SEL1L: variants seen among roughly 807,000 people sequenced by gnomAD.
SEL1L encodes SEL1L adaptor subunit of SYVN1 ubiquitin ligase, also known as protein sel-1 homolog 1.
A neutral mutation model predicts 109.8 loss-of-function variants in SEL1L; 52 were observed. That is an observed-to-expected ratio of 0.47 (90% CI 0.38 to 0.60). The LOEUF is 0.60. Among genes scored for constraint, SEL1L ranks in the 20% least tolerant of loss-of-function variants. The pLI is 0.00. For synonymous variants in SEL1L, 373 were observed against 339.6 expected (o/e 1.10, Z -1.08); for missense variants, 749 against 962.2 (o/e 0.78, Z 2.93).
chr14:81,527,943 C>T (rs1394363226), intron 1 of SEL1L, among the ~76,000 whole-genome samples: 1 of 152,072 alleles, frequency 6.6e-6, no homozygotes, highest in African/African-American at 2.4e-5. Flanking sequence ...GGTTTAGTTT[C>T]TCTCTTTCTC....
At position 81,473,423 on chromosome 14, in the gene SEL1L, A is replaced by G. The variant is rs1242174133; in HGVS notation, c.*3549T>C. On this transcript the variant is annotated 3_prime_UTR_variant, in exon 21 of 21. Coordinates refer to ENST00000336735, the MANE Select transcript of SEL1L (RefSeq NM_005065.6). ...CTTTTCAATGAATACCACACATTTA[A>G]AATCCAGATCGTGCCTCAGGCATTC... is the stretch of plus-strand genomic sequence containing the variant. 6.6e-6 allele frequency: 1 copy of G among 152,224 alleles called. No homozygotes were observed. Among genetic ancestry groups the G allele is most frequent in the Non-Finnish European group, 1.5e-5 (1 of 68,022 alleles). 9.4% of individuals were successfully genotyped at this position (152,224 alleles called of 1,614,324 possible). A position where few individuals can be genotyped will look rare whatever the true frequency, so the allele number is the denominator to read the frequency against.
At chr14:81,487,329 C>A in intron 16 of SEL1L, 61 bp downstream of exon 16, 1 of 1,469,704 alleles carries the variant, frequency 6.8e-7, no homozygotes, top group African/African-American at 1.4e-5. Context: ...GAATTGAAAG[C>A]GCAGACTTTC....
At chr14:81,504,820 A>G (rs1462078981) in intron 4 of SEL1L, among the ~76,000 whole-genome samples, 1 of 152,036 alleles carries the variant, frequency 6.6e-6, no homozygotes, top group East Asian at 1.9e-4. Flanking sequence ...AGATCTGGTC[A>G]TTTGAAAGTA....
chr14:81,476,851 C>G lies in SEL1L; in HGVS notation c.*121G>C, dbSNP rs532655925. On this transcript the variant is annotated 3_prime_UTR_variant, in exon 21 of 21. Transcript: ENST00000336735. ...TCTAAGCAGCTTTAGGAATTCAATG[C>G]TTCCTTGTGCCGTGCCTCTTCTGGG... The G allele has an allele frequency of 1.1e-6, 1 of 913,918 alleles. No individual in the cohort carries two copies. Among genetic ancestry groups the G allele is most frequent in the Non-Finnish European group, 1.6e-6 (1 of 617,456 alleles). The allele number at this position is 913,918 out of a possible 1,614,324, so 56.6% of individuals were successfully genotyped here. A position where few individuals can be genotyped will look rare whatever the true frequency, so the allele number is the denominator to read the frequency against.
At chr14:81,510,514 C>CTCTCTCTCTATATATATATATATA (rs35474067) in intron 3 of SEL1L, among the ~76,000 whole-genome samples, 1 of 104,054 alleles carries the variant, frequency 9.6e-6, no homozygotes, top group Admixed American at 1.1e-4. Context: ...CTCTCTCTCT[C>CTCTCTCTCTATATATATATATATA]TATATATATA....
chr14:81,491,440 CAA>C (rs1344292524), intron 12 of SEL1L, among the ~76,000 whole-genome samples: 1 of 151,950 alleles, frequency 6.6e-6, no homozygotes, highest in African/African-American at 2.4e-5. Flanking sequence ...GAGCAAGAAC[CAA>C]AAGAGGAGGA....
intron 3 of SEL1L, among the ~76,000 whole-genome samples, chr14:81,524,528 A>G (rs1401683191): frequency 2.6e-5 from 4 of 152,256 alleles, no homozygotes; most frequent in Non-Finnish European, 4.4e-5. Flanking sequence ...GGGAAACTGT[A>G]TAGCACAAAG....
At position 81,471,929 on chromosome 14, in the gene SEL1L, A is replaced by G. The variant is rs1903025224; in HGVS notation, c.*5043T>C. On this transcript the variant is annotated 3_prime_UTR_variant, in exon 21 of 21. Transcript: ENST00000336735. ...CACTTTTTCTTATTCGTAAAAAAAT[A>G]CCCAAAAAGTAAAAACTTTCCTTTT... 6.6e-6 allele frequency: 1 copy of G among 152,222 alleles called. No homozygotes were observed. The highest frequency in any genetic ancestry group is 1.5e-5 in the Non-Finnish European group (1 of 68,054). 9.4% of individuals were successfully genotyped at this position (152,222 alleles called of 1,614,324 possible). A position where few individuals can be genotyped will look rare whatever the true frequency, so the allele number is the denominator to read the frequency against.
chr14:81,518,096 T>C (rs1257909477), intron 3 of SEL1L, among the ~76,000 whole-genome samples: 2 of 151,902 alleles, frequency 1.3e-5, no homozygotes, highest in Admixed American at 6.5e-5. Context: ...TTTTGCAATA[T>C]TGGCCAGGCT....
At chr14:81,504,536 TATAGAAATACCA>T (rs1407083155) in intron 4 of SEL1L, among the ~76,000 whole-genome samples, 4 of 152,086 alleles carry the variant, frequency 2.6e-5, no homozygotes, top group African/African-American at 7.2e-5. Context: ...ATCACTTTTT[TATAGAAATACCA>T]ATACCAAGCC....
In SEL1L at chr14:81,531,561, T is replaced by C. The variant is rs920169274; in HGVS notation, c.70+2114A>G. Among the ~76,000 whole-genome samples, 7 of 152,126 alleles carry C rather than the reference T, an allele frequency of 4.6e-5. No homozygotes were observed. In the South Asian group the frequency reaches 1.5e-3, roughly 32 times the overall value. On this transcript the variant is annotated intron_variant, in intron 1 of 20. Coordinates refer to ENST00000336735, the MANE Select transcript of SEL1L (RefSeq NM_005065.6). ...TATTTAACACAGGGTTGTTTTTTTT[T>C]CTTTTTTTTTGAGACAGGGTCTCGC...
rs1438064034 is a variant in SEL1L at position 81,492,551 on chromosome 14, A to C, written c.1186-3T>G. 6.3e-7 allele frequency: 1 copy of C among 1,583,402 alleles called. No homozygotes were observed. Among genetic ancestry groups the C allele is most frequent in the Non-Finnish European group, 8.6e-7 (1 of 1,159,324 alleles). Reference sequence around the variant, plus strand: ...AAATTGAAGTAGTCAAATGCTCTCTATGAGAAAAGAATTTATTAAAATAAT... The same window carrying C: ...AAATTGAAGTAGTCAAATGCTCTCTCTGAGAAAAGAATTTATTAAAATAAT... On this transcript the variant is annotated splice_region_variant and splice_polypyrimidine_tract_variant and intron_variant, in intron 11 of 20. Transcript: ENST00000336735.
intron 19 of SEL1L, among the ~76,000 whole-genome samples, chr14:81,481,743 A>T (rs556367286): frequency 2.0e-5 from 3 of 152,364 alleles, no homozygotes; most frequent in Non-Finnish European, 4.4e-5. Context: ...TTATAAAAAA[A>T]GTAATGGGAC....
Position 81,498,457 on chromosome 14 carries a change from C to T in SEL1L, c.929G>A (p.Ser310Asn), listed in dbSNP as rs143098586. ...RYWAGIGVLQ[S>N]CESALTHYRL... ...ATAGTGAGTCAGGGCAGATTCACAA[C>T]TCTGGAGGACGCCGATGCCAGCCCA... The change falls in exon 9 of 21, where the codon AGT (serine) becomes AAT (asparagine). Residue 310 changes from serine to asparagine, a missense_variant. Ser to Asn is a conservative substitution (Grantham distance 46, BLOSUM62 1). This residue lies in a region of SEL1L where 366 missense variants were observed against 399.8 expected (regional missense o/e 0.92). Coordinates refer to ENST00000336735, the MANE Select transcript of SEL1L (RefSeq NM_005065.6). 6.2e-7 allele frequency: 1 copy of T among 1,613,868 alleles called. No homozygotes were observed. Among genetic ancestry groups the T allele is most frequent in the Non-Finnish European group, 8.5e-7 (1 of 1,179,960 alleles).
rs149075213 is a variant in SEL1L, at chr14:81,526,781, T to A, written c.292A>T (p.Asn98Tyr). Residue 98 changes from asparagine to tyrosine, a missense_variant, in exon 3 of 21, where the codon AAT (asparagine) becomes TAT (tyrosine). Asn to Tyr is a moderately radical substitution (Grantham distance 143, BLOSUM62 -2). Transcript: ENST00000336735. ...TEDISFLESP[N>Y]PENKDYEEPK... ...TCTTCATAGTCCTTGTTTTCTGGAT[T>A]TGGAGACTCTAGAAAGCTGATATCT... is the stretch of plus-strand genomic sequence containing the variant. 1.1e-4 allele frequency: 177 copies of A among 1,609,018 alleles called. No homozygotes were observed. The African/African-American group carries it at 2.1e-3, about 19-fold the overall frequency.
chr14:81,521,534 G>GTCCC (rs1376371433), intron 3 of SEL1L, among the ~76,000 whole-genome samples: 3 of 152,132 alleles, frequency 2.0e-5, no homozygotes, highest in Non-Finnish European at 4.4e-5. Context: ...TACCATGGTG[G>GTCCC]TCCCATAAGA....
At chr14:81,519,474 G>C (rs952663142) in intron 3 of SEL1L, among the ~76,000 whole-genome samples, 1 of 152,212 alleles carries the variant, frequency 6.6e-6, no homozygotes, top group Non-Finnish European at 1.5e-5. Flanking sequence ...ATAGCAAGAG[G>C]GCAAGTTTGG....
At chr14:81,521,051 T>C (rs1884889136) in intron 3 of SEL1L, among the ~76,000 whole-genome samples, 1 of 152,200 alleles carries the variant, frequency 6.6e-6, no homozygotes, top group Non-Finnish European at 1.5e-5. Flanking sequence ...TTTGAAAATA[T>C]TTGCCAAGCT....
chr14:81,485,818 G>A lies in SEL1L; in HGVS notation c.1799-72C>T. On this transcript the variant is annotated intron_variant, in intron 17 of 20. Transcript: ENST00000336735. Reference sequence around the variant, plus strand: ...ACTAGACTTAATTTTCATTTGCAAAGTAGGAAGGATAGGTGAAGCATAAGT... The same window carrying A: ...ACTAGACTTAATTTTCATTTGCAAAATAGGAAGGATAGGTGAAGCATAAGT... 2.4e-6 allele frequency: 3 copies of A among 1,243,934 alleles called. No individual in the cohort carries two copies. In the Admixed American group the frequency reaches 5.2e-5, roughly 22 times the overall value. 77.1% of individuals were successfully genotyped at this position (1,243,934 alleles called of 1,614,324 possible).
Sources: allele counts gnomAD v4.1 joint callset (sites outside exome capture counted in the v4.1 genomes callset), GRCh38; gene constraint gnomAD v4.1.1; regional missense constraint gnomAD v4.1.1; transcripts MANE v1.5; gene names NCBI Gene and HGNC (gene_info 2026-07-23, HGNC 2026-07-21).